DYNC1I1: variants seen among roughly 807,000 people sequenced by gnomAD.
DYNC1I1 encodes the protein cytoplasmic dynein 1 intermediate chain 1.
Under a neutral mutation model 86.6 loss-of-function variants are expected in DYNC1I1, and 43 were observed. The ratio of observed to expected loss-of-function variants is 0.50; its 90% CI spans 0.39 to 0.64. The LOEUF (loss-of-function observed/expected upper bound fraction) is 0.64, where lower values mean the gene tolerates loss of function less well. DYNC1I1 is among the 30% of genes least tolerant of loss of function. The pLI is 0.00. For missense variants in DYNC1I1, 604 were observed against 788.8 expected (o/e 0.77, Z 2.81); for synonymous variants, 262 against 283.7 (o/e 0.92, Z 0.77).
At chr7:95,776,122 G>A (rs886423395) in intron 1 of DYNC1I1, among the ~76,000 whole-genome samples, 3 of 152,142 alleles carry the variant, frequency 2.0e-5, no homozygotes, top group Non-Finnish European at 4.4e-5. Flanking sequence ...GAGCCCAGGA[G>A]GCAGAGGTTG....
chr7:95,867,242 T>C (rs1042806821), intron 5 of DYNC1I1, among the ~76,000 whole-genome samples: 6 of 152,222 alleles, frequency 3.9e-5, no homozygotes, highest in Non-Finnish European at 8.8e-5. Flanking sequence ...ATATAAACAT[T>C]ATTATAATCA....
At chr7:95,910,345 C>A (rs1027415320) in intron 6 of DYNC1I1, among the ~76,000 whole-genome samples, 6 of 152,202 alleles carry the variant, frequency 3.9e-5, no homozygotes, top group Non-Finnish European at 8.8e-5. Flanking sequence ...TCCTCCCACC[C>A]AGATTAACTG....
At chr7:96,018,283 C>T (rs186826301) in intron 10 of DYNC1I1, among the ~76,000 whole-genome samples, 1 of 152,310 alleles carries the variant, frequency 6.6e-6, no homozygotes, top group African/African-American at 2.4e-5. Context: ...TGCATTCAAC[C>T]GATGCAAGTT....
At chr7:95,849,060 A>G (rs1292222169) in intron 5 of DYNC1I1, among the ~76,000 whole-genome samples, 1 of 152,080 alleles carries the variant, frequency 6.6e-6, no homozygotes, top group Non-Finnish European at 1.5e-5. Context: ...TCCTTTGCCC[A>G]TTTCAAAATC....
intron 14 of DYNC1I1, among the ~76,000 whole-genome samples, chr7:96,072,619 G>A (rs1790203029): frequency 6.6e-6 from 1 of 152,062 alleles, no homozygotes; most frequent in Non-Finnish European, 1.5e-5. Flanking sequence ...GGTCAAATTT[G>A]CCCCCATCAT....
intron 4 of DYNC1I1, chr7:95,818,683 AT>A (rs993847414): frequency 1.8e-5 from 8 of 445,910 alleles, no homozygotes; most frequent in African/African-American, 1.6e-4. Flanking sequence ...ACACCTGTGT[AT>A]TTTATACAAC....
At chr7:95,803,706 A>G (rs1794636604) in intron 1 of DYNC1I1, among the ~76,000 whole-genome samples, 1 of 152,190 alleles carries the variant, frequency 6.6e-6, no homozygotes, top group Admixed American at 6.5e-5. Flanking sequence ...TTGCATACAA[A>G]TAGTATGTGA....
intron 14 of DYNC1I1, among the ~76,000 whole-genome samples, chr7:96,042,672 T>C (rs1247902010): frequency 6.6e-6 from 1 of 152,096 alleles, no homozygotes; most frequent in African/African-American, 2.4e-5. Flanking sequence ...CTAACAATAC[T>C]GAAGAAAACA....
At chr7:96,034,675 T>G (rs1198634100) in intron 12 of DYNC1I1, among the ~76,000 whole-genome samples, 1 of 152,208 alleles carries the variant, frequency 6.6e-6, no homozygotes, top group Non-Finnish European at 1.5e-5. Context: ...GTTGCTGATG[T>G]GCACCCTATG....
chr7:96,022,996 C>T (rs1427366867), intron 10 of DYNC1I1, among the ~76,000 whole-genome samples: 1 of 152,094 alleles, frequency 6.6e-6, no homozygotes, highest in Non-Finnish European at 1.5e-5. Flanking sequence ...TGCCAAATGC[C>T]TGGTGCTACA....
At chr7:95,795,842 A>C (rs1283277882) in intron 1 of DYNC1I1, among the ~76,000 whole-genome samples, 6 of 151,994 alleles carry the variant, frequency 3.9e-5, no homozygotes, top group Non-Finnish European at 7.4e-5. Context: ...CCCATGTCAC[A>C]AATTTATATA....
intron 10 of DYNC1I1, among the ~76,000 whole-genome samples, chr7:96,021,736 A>G (rs1038491507): frequency 6.6e-6 from 1 of 152,176 alleles, no homozygotes; most frequent in African/African-American, 2.4e-5. Context: ...CCTATTCTGG[A>G]CATTTTATGT....
chr7:96,063,763 A>T (rs1231547734), intron 14 of DYNC1I1, among the ~76,000 whole-genome samples: 1 of 152,228 alleles, frequency 6.6e-6, no homozygotes, highest in Non-Finnish European at 1.5e-5. Flanking sequence ...TATGAATTTG[A>T]TGATGGAGAG....
At chr7:95,935,400 A>C (rs1364495348) in intron 6 of DYNC1I1, among the ~76,000 whole-genome samples, 1 of 152,068 alleles carries the variant, frequency 6.6e-6, no homozygotes, top group Non-Finnish European at 1.5e-5. Flanking sequence ...GGTTGTTTCC[A>C]CATCTTGGCT....
intron 5 of DYNC1I1, among the ~76,000 whole-genome samples, chr7:95,832,682 C>G (rs1239865904): frequency 3.9e-5 from 6 of 152,058 alleles, no homozygotes; most frequent in African/African-American, 1.2e-4. Context: ...GAGATGGTAT[C>G]TCATTGTGGT....
At chr7:96,101,055 C>G (rs186685687), downstream of DYNC1I1, among the ~76,000 whole-genome samples, 71 of 152,140 alleles carry the variant, frequency 4.7e-4, no homozygotes, top group Non-Finnish European at 6.3e-4. Context: ...TTGCTCACAT[C>G]CATGGGGATG....
chr7:96,102,789 T>C (rs1258440107), downstream of DYNC1I1, among the ~76,000 whole-genome samples: 3 of 152,142 alleles, frequency 2.0e-5, no homozygotes, highest in Non-Finnish European at 2.9e-5. Context: ...AAAATTATAG[T>C]AGTGGCCCAT....
intron 1 of DYNC1I1, chr7:95,804,339 GC>G (rs1794654455): frequency 7.9e-7 from 1 of 1,273,066 alleles, no homozygotes; most frequent in Admixed American, 2.6e-5. Context: ...GGGATGAATT[GC>G]TCCATTATCA....
chr7:96,044,229 TAAAG>T lies in DYNC1I1; in HGVS notation c.1509+4811_1509+4814del, dbSNP rs935369557. On this transcript the variant is annotated intron_variant, in intron 14 of 16. Transcript: ENST00000447467. ...TGAATATGTTTAAAATTTTCTATAATAAAGAACCTTTAAAAGGCAGAAAAAGCAA... is the reference window on the plus strand; with the variant it reads ...TGAATATGTTTAAAATTTTCTATAATAACCTTTAAAAGGCAGAAAAAGCAA... Among the ~76,000 whole-genome samples the T allele has an allele frequency of 7.2e-5, 11 of 152,286 alleles. 1 individual carries two copies. The highest frequency in any genetic ancestry group is 3.9e-4 in the Admixed American group (6 of 15,294).
Sources: gnomAD v4.1 joint callset for allele counts (sites outside exome capture counted in the v4.1 genomes callset) on GRCh38, gnomAD v4.1.1 for gene constraint, MANE v1.5 for transcripts, NCBI Gene and HGNC (gene_info 2026-07-23, HGNC 2026-07-21) for gene names.